ZNF717: variants seen among roughly 807,000 people sequenced by gnomAD.
ZNF717 encodes the protein krueppel-like factor X17.
Under a neutral mutation model 13.8 loss-of-function variants are expected in ZNF717, and 9 were observed. The observed-to-expected ratio is 0.65, with a 90% CI of 0.39 to 1.14. The LOEUF is 1.14. Ranked by LOEUF, ZNF717 falls within the 50% of genes most tolerant of loss-of-function variation. ZNF717 has a pLI of 0.01. For missense variants in ZNF717, 1,040 were observed against 1,080.7 expected (o/e 0.96, Z 0.53); for synonymous variants, 327 against 364.1 (o/e 0.90, Z 1.16).
chr3:75,758,400 G>A (rs1282043579), intron 2 of ZNF717, among the ~76,000 whole-genome samples: 3 of 152,132 alleles, frequency 2.0e-5, no homozygotes, highest in Non-Finnish European at 4.4e-5. Context: ...CTGTTGAGAT[G>A]ACAACAGATT....
intron 2 of ZNF717, among the ~76,000 whole-genome samples, chr3:75,756,474 AC>A (rs1440746039): frequency 6.6e-6 from 1 of 152,246 alleles, no homozygotes; most frequent in Non-Finnish European, 1.5e-5. Flanking sequence ...CAGTAGCTAG[AC>A]CTCATGCAAC....
At chr3:75,739,700 A>T (rs1940111047) in intron 4 of ZNF717, among the ~76,000 whole-genome samples, 7 of 151,980 alleles carry the variant, frequency 4.6e-5, no homozygotes. Flanking sequence ...TTCATATAAC[A>T]ATAGTGGCTG....
intron 2 of ZNF717, among the ~76,000 whole-genome samples, chr3:75,742,451 AG>A (rs1940599016): frequency 7.4e-6 from 1 of 134,684 alleles, no homozygotes; most frequent in Non-Finnish European, 1.6e-5. Context: ...AGTTCAATGC[AG>A]ACTAAGATAA....
chr3:75,764,990 G>GATATAGAT (rs1943325721), intron 2 of ZNF717, among the ~76,000 whole-genome samples: 3 of 102,346 alleles, frequency 2.9e-5, no homozygotes, highest in African/African-American at 1.3e-4. Context: ...TAAACAAAAG[G>GATATAGAT]ATATATATAT....
chr3:75,762,850 C>T (rs1943148192), intron 2 of ZNF717, among the ~76,000 whole-genome samples: 2 of 152,100 alleles, frequency 1.3e-5, no homozygotes, highest in South Asian at 4.1e-4. Flanking sequence ...ACACGAGAAA[C>T]TTATGGACCA....
At chr3:75,743,833 A>G (rs1940786641) in intron 2 of ZNF717, among the ~76,000 whole-genome samples, 1 of 152,274 alleles carries the variant, frequency 6.6e-6, no homozygotes, top group Non-Finnish European at 1.5e-5. Flanking sequence ...TTTGCAAAAA[A>G]TAAAAGAATA....
At chr3:75,731,312 G>A (rs1938531578), downstream of ZNF717, among the ~76,000 whole-genome samples, 1 of 152,318 alleles carries the variant, frequency 6.6e-6, no homozygotes, top group South Asian at 2.1e-4. Flanking sequence ...GGGAGGTGGA[G>A]GTTGCAGTGA....
chr3:75,730,551 T>C, exon 6 of ZNF717: 1 of 694,818 alleles, frequency 1.4e-6, no homozygotes, highest in East Asian at 2.7e-5. Flanking sequence ...ATATCTGAGG[T>C]CCCATACGTA....
At chr3:75,775,137 T>A (rs1395271611) in intron 2 of ZNF717, among the ~76,000 whole-genome samples, 1 of 151,938 alleles carries the variant, frequency 6.6e-6, no homozygotes, top group Non-Finnish European at 1.5e-5. Flanking sequence ...AATTTTTTTT[T>A]ATTTTTAATA....
At chr3:75,782,151 C>G (rs1944871173) in intron 2 of ZNF717, among the ~76,000 whole-genome samples, 1 of 152,186 alleles carries the variant, frequency 6.6e-6, no homozygotes, top group African/African-American at 2.4e-5. Flanking sequence ...TCGAGTAAGG[C>G]AATCACAGTC....
At chr3:75,741,548 G>C (rs1431907689) in intron 3 of ZNF717, 62 bp downstream of exon 3, 2 of 1,534,646 alleles carry the variant, frequency 1.3e-6, no homozygotes, top group African/African-American at 2.8e-5. Flanking sequence ...TACCTTAAAA[G>C]GGTTCCTATA....
downstream of ZNF717, among the ~76,000 whole-genome samples, chr3:75,708,818 T>C (rs57729251): frequency 9.6e-3 from 1,463 of 152,146 alleles, 27 homozygotes; most frequent in African/African-American, 0.034. Flanking sequence ...ATGAAAGAGG[T>C]TTAATTGTCT....
At chr3:75,771,303 T>G (rs1260923368) in intron 2 of ZNF717, among the ~76,000 whole-genome samples, 2 of 151,624 alleles carry the variant, frequency 1.3e-5, no homozygotes, top group Non-Finnish European at 3.0e-5. Context: ...CAGATTTCTG[T>G]ACATCACATT....
At chr3:75,773,455 T>A (rs1254803654) in intron 2 of ZNF717, among the ~76,000 whole-genome samples, 1 of 152,210 alleles carries the variant, frequency 6.6e-6, no homozygotes, top group Non-Finnish European at 1.5e-5. Context: ...GGGATGCCTA[T>A]TAATATGCAG....
chr3:75,727,032 G>A (rs1402902059), downstream of ZNF717, among the ~76,000 whole-genome samples: 9 of 152,220 alleles, frequency 5.9e-5, no homozygotes, highest in African/African-American at 2.2e-4. Context: ...CCCAAATGGA[G>A]GGACTGGCTG....
chr3:75,745,875 A>G (rs1209716701), intron 2 of ZNF717, among the ~76,000 whole-genome samples: 2 of 150,686 alleles, frequency 1.3e-5, no homozygotes, highest in Non-Finnish European at 3.0e-5. Flanking sequence ...AATTATTTAT[A>G]TATATTTTTT....
chr3:75,726,210 C>A (rs2918491), downstream of ZNF717, among the ~76,000 whole-genome samples: 127,728 of 150,792 alleles, frequency 0.85, 53,036 homozygotes, highest in East Asian at 0.89. Flanking sequence ...TTCCTATCAT[C>A]TGGGAGAAAA....
chr3:75,732,595 CT>C (rs1354365437), downstream of ZNF717, among the ~76,000 whole-genome samples: 1 of 152,232 alleles, frequency 6.6e-6, no homozygotes, highest in Non-Finnish European at 1.5e-5. Context: ...GGACATATAG[CT>C]GGCACCATCT....
chr3:75,698,334 G>C (rs188249844), intron 6 of ZNF717, among the ~76,000 whole-genome samples: 139 of 150,574 alleles, frequency 9.2e-4, no homozygotes, highest in African/African-American at 3.3e-3. Context: ...AGCAAGTGTT[G>C]ATAGCCAAGA....
Sources: gnomAD v4.1 joint callset for allele counts (sites outside exome capture counted in the v4.1 genomes callset) on GRCh38, gnomAD v4.1.1 for gene constraint, MANE v1.5 for transcripts, NCBI Gene and HGNC (gene_info 2026-07-23, HGNC 2026-07-21) for gene names.